Variants in AEBP2 observed in about 807,000 individuals in gnomAD.
The protein encoded by AEBP2 is zinc finger protein AEBP2.
AEBP2 carries 10 observed loss-of-function variants against 50.8 expected under a neutral mutation model. The observed-to-expected ratio is 0.20, with a 90% confidence interval of 0.12 to 0.33. The LOEUF is 0.33. AEBP2 is among the 10% of genes least tolerant of loss of function. The pLI, the probability that AEBP2 is intolerant of heterozygous loss-of-function variation, is 1.00. For synonymous variants in AEBP2, 296 were observed against 261.3 expected (o/e 1.13, Z -1.28); for missense variants, 570 against 688.0 (o/e 0.83, Z 1.92).
At chr12:19,463,714 C>T (rs1405654552) in intron 2 of AEBP2, among the ~76,000 whole-genome samples, 1 of 121,950 alleles carries the variant, frequency 8.2e-6, no homozygotes, top group African/African-American at 3.0e-5. Flanking sequence ...CACTCTGTTG[C>T]CCAGGCTGGA....
At chr12:19,438,723 A>G (rs1947887685), upstream of AEBP2, among the ~76,000 whole-genome samples, 1 of 152,210 alleles carries the variant, frequency 6.6e-6, no homozygotes, top group East Asian at 1.9e-4. Context: ...TATAAAATAT[A>G]TTACTAGGAT....
chr12:19,452,609 TATA>T (rs1948183458), intron 1 of AEBP2, among the ~76,000 whole-genome samples: 1 of 152,206 alleles, frequency 6.6e-6, no homozygotes, highest in South Asian at 2.1e-4. Flanking sequence ...GGCAAATAAT[TATA>T]ATCTGTTCCA....
chr12:19,481,275 A>AT (rs1009463053), intron 3 of AEBP2, among the ~76,000 whole-genome samples: 31 of 148,534 alleles, frequency 2.1e-4, no homozygotes, highest in African/African-American at 6.5e-4. Flanking sequence ...TAAGTTTTGT[A>AT]TTTTTTTAGT....
intron 2 of AEBP2, among the ~76,000 whole-genome samples, chr12:19,470,808 T>G (rs1948559911): frequency 6.6e-6 from 1 of 152,180 alleles, no homozygotes; most frequent in South Asian, 2.1e-4. Flanking sequence ...ATCTTATCTT[T>G]AAGAGTATTT....
intron 5 of AEBP2, among the ~76,000 whole-genome samples, chr12:19,509,659 A>C (rs1005363380): frequency 2.0e-5 from 3 of 152,122 alleles, no homozygotes; most frequent in African/African-American, 7.2e-5. Flanking sequence ...AGGCGGGAAG[A>C]ATACTCAAGG....
Position 19,481,092 on chromosome 12 carries a change from C to CTTTTTTTTTTT in AEBP2, c.987+7753_987+7763dup, listed in dbSNP as rs71067027. Among the ~76,000 whole-genome samples, 9 of 74,054 alleles carry CTTTTTTTTTTT rather than the reference C, an allele frequency of 1.2e-4. 3 individuals carry two copies. The highest frequency in any genetic ancestry group is 2.8e-4 in the African/African-American group (5 of 17,580). 48.6% of individuals were successfully genotyped at this position (74,054 alleles called of 152,430 possible). ...TGTTATTGAAACTTTGCAGTGCATC[C>CTTTTTTTTTTT]TTTTTTTTTTTTTTTTTTTTTTTTT... On this transcript the variant is annotated intron_variant, in intron 3 of 7. Coordinates refer to ENST00000266508, the MANE Select transcript of AEBP2 (RefSeq NM_153207.5).
intron 1 of AEBP2, among the ~76,000 whole-genome samples, chr12:19,451,939 G>A (rs185622337): frequency 1.4e-4 from 22 of 151,840 alleles, no homozygotes; most frequent in East Asian, 9.6e-4. Flanking sequence ...TCACCCAGAC[G>A]GGAGTGCAGT....
At chr12:19,405,335 T>G (rs1244202916) in intron 1 of AEBP2, among the ~76,000 whole-genome samples, 1 of 150,284 alleles carries the variant, frequency 6.7e-6, no homozygotes, top group Non-Finnish European at 1.5e-5. Flanking sequence ...ATTTACTTAT[T>G]TTTTTTTTTG....
At chr12:19,514,597 G>C in intron 6 of AEBP2, 74 bp from the exon 7 acceptor site, 8 of 1,175,702 alleles carry the variant, frequency 6.8e-6, no homozygotes, top group Non-Finnish European at 9.7e-6. Flanking sequence ...GAAAATGCCA[G>C]AATGTGAAGG....
intron 5 of AEBP2, 97 bp downstream of exon 5, chr12:19,500,318 AT>A: frequency 2.6e-6 from 3 of 1,173,318 alleles, no homozygotes; most frequent in Non-Finnish European, 3.4e-6. Context: ...AGAAAGTACA[AT>A]TTAACAGAAA....
chr12:19,476,152 A>G (rs1948647511), intron 3 of AEBP2, among the ~76,000 whole-genome samples: 1 of 152,132 alleles, frequency 6.6e-6, no homozygotes, highest in African/African-American at 2.4e-5. Context: ...CAATGTCTGG[A>G]AGAGTTTTTC....
intron 4 of AEBP2, among the ~76,000 whole-genome samples, chr12:19,497,566 A>G (rs1341322822): frequency 6.6e-6 from 1 of 152,034 alleles, no homozygotes; most frequent in Non-Finnish European, 1.5e-5. Flanking sequence ...AGTGCCTCCC[A>G]GGTGCAATCA....
At chr12:19,467,742 T>C (rs1948503584) in intron 2 of AEBP2, among the ~76,000 whole-genome samples, 1 of 152,214 alleles carries the variant, frequency 6.6e-6, no homozygotes, top group Admixed American at 6.5e-5. Flanking sequence ...TAAAATATAT[T>C]ACTGTTCTTT....
At chr12:19,468,922 A>C (rs1014971709) in intron 2 of AEBP2, among the ~76,000 whole-genome samples, 1 of 152,188 alleles carries the variant, frequency 6.6e-6, no homozygotes, top group Admixed American at 6.6e-5. Context: ...TTAGCAGTCC[A>C]AAAATATATG....
intron 3 of AEBP2, among the ~76,000 whole-genome samples, chr12:19,480,278 A>G (rs1198639112): frequency 6.6e-6 from 1 of 151,744 alleles, no homozygotes; most frequent in African/African-American, 2.4e-5. Context: ...TAATTTTTGT[A>G]TTTTTTACTA....
At chr12:19,438,072 CA>C (rs1440905780), upstream of AEBP2, among the ~76,000 whole-genome samples, 1 of 152,160 alleles carries the variant, frequency 6.6e-6, no homozygotes, top group Non-Finnish European at 1.5e-5. Context: ...AAAAGAAAGG[CA>C]TAATTCTTCC....
chr12:19,500,479 C>T (rs959731344), intron 5 of AEBP2, among the ~76,000 whole-genome samples: 1 of 152,156 alleles, frequency 6.6e-6, no homozygotes, highest in African/African-American at 2.4e-5. Context: ...ACACACCATA[C>T]AGTGTTACTA....
intron 3 of AEBP2, among the ~76,000 whole-genome samples, chr12:19,478,149 T>C (rs1456480662): frequency 6.6e-6 from 1 of 152,238 alleles, no homozygotes; most frequent in East Asian, 1.9e-4. Context: ...ATTTACCTTT[T>C]GTATTGTTGT....
intron 4 of AEBP2, among the ~76,000 whole-genome samples, chr12:19,498,233 T>G (rs1417132314): frequency 1.3e-5 from 2 of 151,980 alleles, no homozygotes; most frequent in Non-Finnish European, 2.9e-5. Context: ...AAGTTACACA[T>G]TTTTTTTCGA....
Sources: gnomAD v4.1 joint callset for allele counts (sites outside exome capture counted in the v4.1 genomes callset) on GRCh38, gnomAD v4.1.1 for gene constraint, MANE v1.5 for transcripts, NCBI Gene and HGNC (gene_info 2026-07-23, HGNC 2026-07-21) for gene names.